Variants in WDR27 observed in about 807,000 individuals in gnomAD.
WDR27 encodes the protein WD repeat-containing protein 27.
Under a neutral mutation model 114.4 loss-of-function variants are expected in WDR27, and 100 were observed. That is an observed-to-expected ratio of 0.87 (90% CI 0.74 to 1.03). WDR27 has a LOEUF of 1.03. Among genes scored for constraint, WDR27 ranks in the 50% least tolerant of loss-of-function variants. The pLI is 0.00. For synonymous variants in WDR27, 449 were observed against 423.1 expected, an observed-to-expected ratio of 1.06 and a Z score of -0.75; for missense variants, 1,129 against 1,092.9, an observed-to-expected ratio of 1.03 and a Z score of -0.47.
At chr6:169,672,052 G>A (rs1778875558) in intron 3 of WDR27, 2 of 480,496 alleles carry the variant, frequency 4.2e-6, no homozygotes, top group African/African-American at 2.0e-5. Flanking sequence ...AGGTCCGTAA[G>A]TCTGAATGGC....
intron 25 of WDR27, among the ~76,000 whole-genome samples, chr6:169,466,424 G>C (rs187643696): frequency 6.6e-6 from 1 of 152,126 alleles, no homozygotes; most frequent in Admixed American, 6.5e-5. Flanking sequence ...TTCTTCACAT[G>C]TCAGCAAAAA....
intron 14 of WDR27, among the ~76,000 whole-genome samples, chr6:169,650,789 CA>C (rs773521312): frequency 6.6e-6 from 1 of 150,936 alleles, no homozygotes; most frequent in South Asian, 2.1e-4. Context: ...CTCATCTCTC[CA>C]TCCCTCCACC....
chr6:169,468,480 C>A (rs1398886621), intron 25 of WDR27, among the ~76,000 whole-genome samples: 1 of 152,172 alleles, frequency 6.6e-6, no homozygotes, highest in Non-Finnish European at 1.5e-5. Flanking sequence ...AATCCCCTTA[C>A]AAAACCATCA....
At chr6:169,563,843 G>A (rs760947) in intron 25 of WDR27, among the ~76,000 whole-genome samples, 44,973 of 152,142 alleles carry the variant, frequency 0.3, 7,450 homozygotes, top group African/African-American at 0.44. Context: ...TGCAATTCTC[G>A]AGCAGCTCAG....
chr6:169,505,638 C>A (rs1184657094), intron 25 of WDR27, among the ~76,000 whole-genome samples: 1 of 152,174 alleles, frequency 6.6e-6, no homozygotes, highest in Non-Finnish European at 1.5e-5. Flanking sequence ...CCAGCTCACC[C>A]CAGACCTAAT....
intron 25 of WDR27, among the ~76,000 whole-genome samples, chr6:169,529,312 C>CGGGG (rs10718481): frequency 2.6e-5 from 3 of 115,242 alleles, no homozygotes; most frequent in African/African-American, 8.5e-5. Context: ...GTGACCTCTG[C>CGGGG]GGGGGGGGGG....
chr6:169,670,397 T>G (rs1360088680), intron 4 of WDR27, 172 bp downstream of exon 4: 1 of 622,174 alleles, frequency 1.6e-6, no homozygotes. Flanking sequence ...TACCAGTGGT[T>G]TTCCAATTGC....
intron 13 of WDR27, among the ~76,000 whole-genome samples, chr6:169,653,485 A>G (rs1018210407): frequency 1.3e-5 from 2 of 152,220 alleles, no homozygotes; most frequent in Non-Finnish European, 2.9e-5. Flanking sequence ...GACTACAAAA[A>G]TCAGTCTTTA....
chr6:169,664,182 C>A lies in WDR27; in HGVS notation c.888G>T (p.Gly296=). The change falls in exon 8 of 26, where the codon GGG becomes GGT. Residue 296 remains glycine, a synonymous_variant. Coordinates refer to ENST00000448612, the MANE Select transcript of WDR27 (RefSeq NM_182552.5). The part of the protein sequence containing the change: ...ETFSTRRVKS[G]LCSQPEESQL... ...GCAACCCACCTGGCTGGCTGCACAG[C>A]CCAGACTTAACCCTTCTTGTGGAGA... is the stretch of plus-strand genomic sequence containing the variant. 6.2e-7 allele frequency: 1 copy of A among 1,602,588 alleles called. No homozygotes were observed. Among genetic ancestry groups the A allele is most frequent in the Non-Finnish European group, 8.5e-7 (1 of 1,174,174 alleles).
chr6:169,446,273 A>G, the WDR27 span, among the ~76,000 whole-genome samples: 1 of 152,096 alleles, frequency 6.6e-6, no homozygotes, highest in Non-Finnish European at 1.5e-5. Context: ...CTGAGCACCC[A>G]GGTCAGAGGC....
At chr6:169,520,417 T>C (rs565437470) in intron 25 of WDR27, among the ~76,000 whole-genome samples, 2 of 152,124 alleles carry the variant, frequency 1.3e-5, no homozygotes, top group Non-Finnish European at 2.9e-5. Context: ...TTAGTAAACA[T>C]ATCTGATAAA....
intron 25 of WDR27, among the ~76,000 whole-genome samples, chr6:169,521,884 A>G (rs532576417): frequency 6.6e-6 from 1 of 152,214 alleles, no homozygotes; most frequent in South Asian, 2.1e-4. Context: ...AAAGAAAAAA[A>G]GAAGAGAGGG....
At chr6:169,549,565 TG>T (rs1797845355) in intron 25 of WDR27, among the ~76,000 whole-genome samples, 1 of 152,218 alleles carries the variant, frequency 6.6e-6, no homozygotes, top group African/African-American at 2.4e-5. Context: ...ACACAAAAAT[TG>T]CACATGGATG....
the WDR27 span, among the ~76,000 whole-genome samples, chr6:169,429,151 G>T: frequency 6.6e-6 from 1 of 152,104 alleles, no homozygotes; most frequent in Non-Finnish European, 1.5e-5. Context: ...CCCGAGGCTC[G>T]TGTTCTCTGT....
chr6:169,607,211 G>A (rs564378973), intron 22 of WDR27, among the ~76,000 whole-genome samples: 41 of 152,112 alleles, frequency 2.7e-4, no homozygotes, highest in African/African-American at 9.2e-4. Context: ...TATAACTACC[G>A]TTCATTTCAG....
intron 2 of WDR27, among the ~76,000 whole-genome samples, chr6:169,687,541 A>G (rs1245276762): frequency 6.6e-6 from 1 of 152,218 alleles, no homozygotes; most frequent in African/African-American, 2.4e-5. Flanking sequence ...CCCTTTTCGA[A>G]AGGCTAAAAT....
chr6:169,685,131 C>G (rs1412570883), intron 2 of WDR27, among the ~76,000 whole-genome samples: 1 of 152,080 alleles, frequency 6.6e-6, no homozygotes. Context: ...GACCAAAAGA[C>G]CCCACTAAAC....
intron 2 of WDR27, among the ~76,000 whole-genome samples, chr6:169,686,309 T>C (rs1782932685): frequency 6.6e-6 from 1 of 151,884 alleles, no homozygotes; most frequent in Non-Finnish European, 1.5e-5. Context: ...ATCAAACCTA[T>C]AGAAAACCAC....
intron 1 of WDR27, among the ~76,000 whole-genome samples, chr6:169,700,623 CAG>C (rs1787679602): frequency 1.3e-5 from 2 of 152,208 alleles, no homozygotes; most frequent in African/African-American, 4.8e-5. Context: ...CTGCAGCTTG[CAG>C]AGAGCTGCCC....
Sources: gnomAD v4.1 joint callset for allele counts (sites outside exome capture counted in the v4.1 genomes callset) on GRCh38, gnomAD v4.1.1 for gene constraint, MANE v1.5 for transcripts, NCBI Gene and HGNC (gene_info 2026-07-23, HGNC 2026-07-21) for gene names.